UNC5B: variants seen among roughly 807,000 people sequenced by gnomAD.
UNC5B encodes netrin receptor UNC5B.
A neutral mutation model predicts 103.7 loss-of-function variants in UNC5B; 56 were observed. That is an observed-to-expected ratio of 0.54 (90% confidence interval 0.44 to 0.67). UNC5B has a LOEUF of 0.67. Among genes scored for constraint, UNC5B ranks in the 30% least tolerant of loss-of-function variants. The pLI is 0.00. For missense variants in UNC5B, 1,194 were observed against 1,284.5 expected, an observed-to-expected ratio of 0.93 and a Z score of 1.08; for synonymous variants, 577 against 542.0, an observed-to-expected ratio of 1.06 and a Z score of -0.90.
intron 1 of UNC5B, among the ~76,000 whole-genome samples, chr10:71,252,630 G>A (rs952196298): frequency 1.3e-5 from 2 of 152,222 alleles, no homozygotes; most frequent in African/African-American, 4.8e-5. Context: ...ATTCTTCAGA[G>A]CAACCCTAAC....
rs1168982875 is a variant in UNC5B, at chr10:71,300,692, C to G, written c.*1415C>G. 3 of 152,386 alleles carry G rather than the reference C, an allele frequency of 2.0e-5. No homozygotes were observed. The East Asian group carries it at 5.8e-4, about 29-fold the overall frequency. 9.4% of individuals were successfully genotyped at this position (152,386 alleles called of 1,614,324 possible). A position where few individuals can be genotyped will look rare whatever the true frequency, so the allele number is the denominator to read the frequency against. Reference sequence around the variant, plus strand: ...AGCAGAGTGATGGCTGAGAAGTCCTCTCTAGCTGCAGAAGCCTGAGCTTCC... The same window carrying G: ...AGCAGAGTGATGGCTGAGAAGTCCTGTCTAGCTGCAGAAGCCTGAGCTTCC... On this transcript the variant is annotated 3_prime_UTR_variant, in exon 17 of 17. Coordinates refer to ENST00000335350, the MANE Select transcript of UNC5B (RefSeq NM_170744.5).
chr10:71,247,086 G>A (rs1293847674), intron 1 of UNC5B, among the ~76,000 whole-genome samples: 3 of 152,238 alleles, frequency 2.0e-5, no homozygotes, highest in African/African-American at 2.4e-5. Context: ...ATGAGGAAGT[G>A]CATGACCCAG....
intron 8 of UNC5B, 82 bp downstream of exon 8, chr10:71,289,072 C>T: frequency 2.5e-6 from 4 of 1,598,982 alleles, no homozygotes; most frequent in Middle Eastern, 1.7e-4. Flanking sequence ...GATCAGGGTG[C>T]AGGGCAGGGA....
chr10:71,284,282 G>A (rs1457615986), intron 2 of UNC5B, among the ~76,000 whole-genome samples: 3 of 152,132 alleles, frequency 2.0e-5, no homozygotes, highest in African/African-American at 7.2e-5. Context: ...ATGTGCAAGG[G>A]CCCCGTGGCT....
intron 1 of UNC5B, among the ~76,000 whole-genome samples, chr10:71,241,407 C>T (rs979437807): frequency 6.6e-6 from 1 of 152,192 alleles, no homozygotes; most frequent in African/African-American, 2.4e-5. Context: ...TCAAATGCCC[C>T]ATATCCCCAC....
intron 2 of UNC5B, among the ~76,000 whole-genome samples, chr10:71,282,407 A>G (rs534597462): frequency 2.0e-5 from 3 of 152,244 alleles, no homozygotes; most frequent in East Asian, 3.9e-4. Flanking sequence ...TCCCTGTCCT[A>G]TGCTCCCTGC....
rs546754898 is a variant in UNC5B, at chr10:71,293,391, G to A, written c.1773-14G>A. 35 of 1,607,990 alleles carry A rather than the reference G, an allele frequency of 2.2e-5. No individual in the cohort carries two copies. Among genetic ancestry groups the A allele is most frequent in the South Asian group, 1.8e-4 (16 of 90,204 alleles). Reference sequence around the variant, plus strand: ...CTCTTCACTGCCTCTCTCCTACCCTGTGTCCTCCTCCAGCCCGCTTTCAGA... The same window carrying A: ...CTCTTCACTGCCTCTCTCCTACCCTATGTCCTCCTCCAGCCCGCTTTCAGA... On this transcript the variant is annotated splice_polypyrimidine_tract_variant and intron_variant, in intron 11 of 16. Coordinates refer to ENST00000335350, the MANE Select transcript of UNC5B (RefSeq NM_170744.5).
intron 1 of UNC5B, among the ~76,000 whole-genome samples, chr10:71,245,222 T>C (rs1022013099): frequency 1.3e-5 from 2 of 152,236 alleles, no homozygotes; most frequent in Non-Finnish European, 2.9e-5. Context: ...GGCTTAGAGC[T>C]GGGAGCCCCT....
intron 1 of UNC5B, among the ~76,000 whole-genome samples, chr10:71,250,217 G>C (rs1844141606): frequency 6.6e-6 from 1 of 152,200 alleles, no homozygotes; most frequent in East Asian, 1.9e-4. Context: ...GTGCCGGTGG[G>C]GGAGACATCA....
At chr10:71,241,832 C>T (rs1268047387) in intron 1 of UNC5B, among the ~76,000 whole-genome samples, 1 of 152,038 alleles carries the variant, frequency 6.6e-6, no homozygotes, top group African/African-American at 2.4e-5. Flanking sequence ...GGGTGAAGGC[C>T]AGGCTAACAG....
In UNC5B at chr10:71,289,137, G is replaced by A. The variant is rs565131337; in HGVS notation, c.1099+147G>A. 10 of 1,083,572 alleles carry A rather than the reference G, an allele frequency of 9.2e-6. No individual in the cohort carries two copies. In the Admixed American group the frequency reaches 2.2e-4, roughly 24 times the overall value. 67.1% of individuals were successfully genotyped at this position (1,083,572 alleles called of 1,614,324 possible). On this transcript the variant is annotated intron_variant, in intron 8 of 16. Transcript: ENST00000335350. ...GGATCATCTACACCTGACACTGCAT[G>A]TGTCTGCATCTCCATCACCGGCAGA...
chr10:71,235,326 G>A (rs1843754776), intron 1 of UNC5B, among the ~76,000 whole-genome samples: 1 of 152,190 alleles, frequency 6.6e-6, no homozygotes, highest in Non-Finnish European at 1.5e-5. Flanking sequence ...CCCTCTGGGG[G>A]CTTGATGGTC....
intron 13 of UNC5B, 110 bp downstream of exon 13, chr10:71,294,043 C>G (rs748515599): frequency 2.9e-5 from 29 of 1,003,554 alleles, no homozygotes; most frequent in Non-Finnish European, 4.0e-5. Context: ...CTCCCCGCCA[C>G]CAGCATTATT....
intron 1 of UNC5B, among the ~76,000 whole-genome samples, chr10:71,279,477 T>C (rs10999758): frequency 0.71 from 108,702 of 152,112 alleles, 39,832 homozygotes; most frequent in Non-Finnish European, 0.79. Flanking sequence ...GGAGCAGACG[T>C]TGTGGGGGGG....
intron 1 of UNC5B, among the ~76,000 whole-genome samples, chr10:71,279,098 C>G (rs1844847409): frequency 6.6e-6 from 1 of 152,204 alleles, no homozygotes; most frequent in African/African-American, 2.4e-5. Flanking sequence ...GAAGTCTCCT[C>G]ATCTGCTGTG....
At chr10:71,262,014 G>T (rs956049211) in intron 1 of UNC5B, among the ~76,000 whole-genome samples, 1 of 151,986 alleles carries the variant, frequency 6.6e-6, no homozygotes, top group Non-Finnish European at 1.5e-5. Context: ...ATGGGGTAGG[G>T]GGGAGGTGGG....
Position 71,301,829 on chromosome 10 carries a change from T to TCTAG in UNC5B, c.*2553_*2556dup, listed in dbSNP as rs943764524. ...GGCTCTTTGGGTTCAGACACACTGT[T>TCTAG]CTAGGCTTCTGTAGGGGACCTTGTG... On this transcript the variant is annotated 3_prime_UTR_variant, in exon 17 of 17. Transcript: ENST00000335350. The TCTAG allele has an allele frequency of 6.6e-6, 1 of 152,244 alleles. No homozygotes were observed. The highest frequency in any genetic ancestry group is 2.4e-5 in the African/African-American group (1 of 41,444). 9.4% of individuals were successfully genotyped at this position (152,244 alleles called of 1,614,324 possible).
intron 1 of UNC5B, among the ~76,000 whole-genome samples, chr10:71,225,336 G>T (rs573199634): frequency 6.6e-6 from 1 of 152,366 alleles, no homozygotes; most frequent in African/African-American, 2.4e-5. Flanking sequence ...TGCATCCTGG[G>T]AACTGCTGCC....
At chr10:71,246,751 C>G (rs1426548394) in intron 1 of UNC5B, among the ~76,000 whole-genome samples, 1 of 152,176 alleles carries the variant, frequency 6.6e-6, no homozygotes, top group Non-Finnish European at 1.5e-5. Flanking sequence ...CACACCCATC[C>G]TTTGAAGGAG....
Sources: gnomAD v4.1 joint callset for allele counts (sites outside exome capture counted in the v4.1 genomes callset) on GRCh38, gnomAD v4.1.1 for gene constraint, MANE v1.5 for transcripts, NCBI Gene and HGNC (gene_info 2026-07-23, HGNC 2026-07-21) for gene names.